Variants in DAB1 observed in about 807,000 individuals in gnomAD.
DAB1 encodes disabled homolog 1.
DAB1 carries 15 observed loss-of-function variants against 64.6 expected under a neutral mutation model. The observed-to-expected ratio is 0.23, with a 90% CI of 0.16 to 0.36. The LOEUF (loss-of-function observed/expected upper bound fraction) is 0.36. Among genes scored for constraint, DAB1 ranks in the 10% least tolerant of loss-of-function variants. DAB1 has a pLI of 1.00. For missense variants in DAB1, 596 were observed against 706.7 expected (o/e 0.84, Z 1.78); for synonymous variants, 235 against 251.9 (o/e 0.93, Z 0.64).
intron 1 of DAB1, among the ~76,000 whole-genome samples, chr1:58,533,147 A>G (rs574358182): frequency 1.3e-5 from 2 of 152,210 alleles, no homozygotes; most frequent in African/African-American, 4.8e-5. Flanking sequence ...TGTGAAACAG[A>G]TGTGTTATTT....
chr1:58,318,037 C>CAATTATTA (rs1662597101), intron 4 of DAB1, among the ~76,000 whole-genome samples: 1 of 152,050 alleles, frequency 6.6e-6, no homozygotes, highest in Non-Finnish European at 1.5e-5. Context: ...GATATTAAAG[C>CAATTATTA]AAGGTTAGGG....
intron 5 of DAB1, among the ~76,000 whole-genome samples, chr1:58,063,346 C>A (rs1223749020): frequency 6.6e-6 from 1 of 152,068 alleles, no homozygotes; most frequent in Non-Finnish European, 1.5e-5. Flanking sequence ...TGCAAATTAG[C>A]CTTGCTATAG....
chr1:57,330,536 C>G (rs1676570339), intron 1 of DAB1, among the ~76,000 whole-genome samples: 2 of 152,216 alleles, frequency 1.3e-5, no homozygotes, highest in East Asian at 3.9e-4. Flanking sequence ...CCTTGAAGTG[C>G]AATGAGACAA....
chr1:57,329,358 C>G lies in DAB1; in HGVS notation c.-136-38192G>C, dbSNP rs149510304. On this transcript the variant is annotated intron_variant, in intron 1 of 14. Transcript: ENST00000371236. The stretch of plus-strand genomic sequence containing the variant: ...TGACATGAGCTAAATGGACACAATC[C>G]CATATTACTTTCTCTTAGTTACAAA... 9.7e-4 allele frequency among the ~76,000 whole-genome samples: 147 copies of G among 152,328 alleles called. 1 individual carries two copies. In the East Asian group the frequency reaches 0.025, roughly 26 times the overall value.
At chr1:58,461,415 AG>A (rs1448920695) in intron 3 of DAB1, among the ~76,000 whole-genome samples, 3 of 152,228 alleles carry the variant, frequency 2.0e-5, no homozygotes, top group Admixed American at 6.5e-5. Flanking sequence ...AGCAATTAAA[AG>A]TAAGGAAAAG....
intron 4 of DAB1, among the ~76,000 whole-genome samples, chr1:58,244,724 G>A (rs760596382): frequency 2.0e-5 from 3 of 152,158 alleles, no homozygotes; most frequent in Non-Finnish European, 4.4e-5. Context: ...TAAAAACTCA[G>A]CAAATATTTT....
chr1:57,856,519 T>C (rs1653763450), intron 1 of DAB1, among the ~76,000 whole-genome samples: 1 of 152,096 alleles, frequency 6.6e-6, no homozygotes, highest in Non-Finnish European at 1.5e-5. Flanking sequence ...TCCCAGCACT[T>C]TGGGAGGCCG....
intron 5 of DAB1, among the ~76,000 whole-genome samples, chr1:58,144,176 A>G (rs950615732): frequency 2.0e-5 from 3 of 152,184 alleles, no homozygotes; most frequent in African/African-American, 7.2e-5. Context: ...CTGACTTCCC[A>G]TTTCTGTGTA....
At chr1:57,451,678 T>G (rs963409903) in intron 7 of DAB1, among the ~76,000 whole-genome samples, 3 of 152,216 alleles carry the variant, frequency 2.0e-5, no homozygotes, top group African/African-American at 7.2e-5. Context: ...AGTTCAGTCT[T>G]AATTCAAAGT....
intron 4 of DAB1, among the ~76,000 whole-genome samples, chr1:57,075,660 G>C (rs78740960): frequency 0.022 from 3,413 of 152,266 alleles, 134 homozygotes; most frequent in African/African-American, 0.077. Context: ...ATGTCTTCAA[G>C]TAGAATTTAT....
chr1:57,754,726 C>A (rs771728317), intron 6 of DAB1, among the ~76,000 whole-genome samples: 2 of 152,000 alleles, frequency 1.3e-5, no homozygotes, highest in Non-Finnish European at 2.9e-5. Context: ...AACAAACAAA[C>A]GAACAAAACA....
At chr1:58,189,157 T>C (rs986113306) in intron 4 of DAB1, among the ~76,000 whole-genome samples, 2 of 152,212 alleles carry the variant, frequency 1.3e-5, no homozygotes, top group Non-Finnish European at 2.9e-5. Flanking sequence ...TTCAGCTTTG[T>C]CATATTTGGT....
intron 5 of DAB1, among the ~76,000 whole-genome samples, chr1:58,111,759 A>G (rs1651976797): frequency 6.6e-6 from 1 of 151,770 alleles, no homozygotes; most frequent in Admixed American, 6.6e-5. Flanking sequence ...GCCCTAATAC[A>G]AGCCACAACT....
At chr1:57,094,136 A>G (rs1570679323) in intron 4 of DAB1, among the ~76,000 whole-genome samples, 1 of 130,744 alleles carries the variant, frequency 7.6e-6, no homozygotes, top group South Asian at 2.6e-4. Context: ...GGAATCTTGG[A>G]GTTGACATCT....
intron 7 of DAB1, among the ~76,000 whole-genome samples, chr1:57,490,694 A>C (rs1644151765): frequency 6.6e-6 from 1 of 152,204 alleles, no homozygotes; most frequent in Non-Finnish European, 1.5e-5. Context: ...TTTAACAAAA[A>C]GTCAAAATCT....
chr1:57,971,699 A>C (rs147759227), intron 5 of DAB1, among the ~76,000 whole-genome samples: 1,896 of 152,350 alleles, frequency 0.012, 18 homozygotes, highest in Non-Finnish European at 0.021. Context: ...GTTATTTTGT[A>C]TCCGGGATCA....
At chr1:58,108,160 A>C (rs936451126) in intron 5 of DAB1, among the ~76,000 whole-genome samples, 1 of 151,950 alleles carries the variant, frequency 6.6e-6, no homozygotes, top group African/African-American at 2.4e-5. Context: ...AGAAGGTAAA[A>C]CTCTCAGATT....
At chr1:57,374,972 C>T (rs897429230) in intron 1 of DAB1, among the ~76,000 whole-genome samples, 3 of 152,122 alleles carry the variant, frequency 2.0e-5, no homozygotes, top group Non-Finnish European at 2.9e-5. Flanking sequence ...TATGACCTGC[C>T]ATTCTGTCCC....
chr1:57,112,703 C>G (rs1262294428), intron 4 of DAB1, among the ~76,000 whole-genome samples: 1 of 151,980 alleles, frequency 6.6e-6, no homozygotes, highest in Non-Finnish European at 1.5e-5. Context: ...CCCAAAGAAG[C>G]TCAATTTGAT....
Sources: allele counts gnomAD v4.1 joint callset (sites outside exome capture counted in the v4.1 genomes callset), GRCh38; gene constraint gnomAD v4.1.1; transcripts MANE v1.5; gene names NCBI Gene and HGNC (gene_info 2026-07-23, HGNC 2026-07-21).